Variants in COL2A1 observed in about 807,000 individuals in gnomAD.
The protein encoded by COL2A1 is collagen type II alpha 1 chain, also known as collagen alpha-1(II) chain.
In COL2A1, 28 loss-of-function variants were observed where a neutral mutation model predicts 204.5. The ratio of observed to expected loss-of-function variants is 0.14; its 90% CI spans 0.10 to 0.19. The LOEUF is 0.19. Ranked by LOEUF, COL2A1 falls within the 10% of genes least tolerant of loss-of-function variation. The pLI, the probability that COL2A1 is intolerant of heterozygous loss-of-function variation, is 1.00. For synonymous variants in COL2A1, 708 were observed against 718.7 expected, an observed-to-expected ratio of 0.99 and a Z score of 0.24; for missense variants, 1,388 against 2,027.5, an observed-to-expected ratio of 0.68 and a Z score of 6.06.
intron 51 of COL2A1, 95 bp from the exon 52 acceptor site, chr12:47,974,957 C>CT: frequency 1.5e-6 from 2 of 1,305,684 alleles, no homozygotes; most frequent in Non-Finnish European, 2.1e-6. Context: ...ACAGAGAGGC[C>CT]TACAGGGACA....
intron 4 of COL2A1, 28 bp from the exon 5 acceptor site, chr12:47,998,092 A>C (rs759986299): frequency 6.2e-7 from 1 of 1,614,114 alleles, no homozygotes; most frequent in Non-Finnish European, 8.5e-7. Context: ...ACAGGATGGT[A>C]AGTTAGAGGA....
At position 47,985,932 on chromosome 12, in the gene COL2A1, C is replaced by T. The variant is rs1270468512; in HGVS notation, c.1561G>A (p.Asp521Asn). The change falls in exon 24 of 54, where the codon GAT becomes AAT. Residue 521 changes from aspartate (D) to asparagine (N), a missense_variant. This residue lies in a region of COL2A1 where 884 missense variants were observed against 1,415.8 expected (regional missense o/e 0.62). Transcript: ENST00000380518. ...CTCACCTTGGGACCTGCCAGACCATCTTGACCTGGGAAACCGCGGTTGCCG... is the reference window on the plus strand; with the variant it reads ...CTCACCTTGGGACCTGCCAGACCATTTTGACCTGGGAAACCGCGGTTGCCG... Reference protein sequence around the residue: ...APGNRGFPGQDGLAGPKGAPG... With the variant: ...APGNRGFPGQNGLAGPKGAPG... The T allele has an allele frequency of 1.3e-6, 2 of 1,552,190 alleles. No individual in the cohort carries two copies. The highest frequency in any genetic ancestry group is 3.9e-5 in the Admixed American group (2 of 51,098).
At chr12:47,996,001 G>A (rs777827674) in intron 8 of COL2A1, 82 bp from the exon 9 acceptor site, 7 of 1,165,632 alleles carry the variant, frequency 6.0e-6, no homozygotes, top group East Asian at 2.3e-5. Context: ...CCAGCCAACA[G>A]CCCGGGCAAA....
Position 47,973,080 on chromosome 12 carries a change from A to G in COL2A1, c.*327T>C. On this transcript the variant is annotated 3_prime_UTR_variant, in exon 54 of 54. Transcript: ENST00000380518. ...GACACACACAGTTCCTGCGCCCGGC[A>G]CCTGAAGGGAGGTCTTCTGGCCTGG... is the stretch of plus-strand genomic sequence containing the variant. 1 of 597,092 alleles carries G rather than the reference A, an allele frequency of 1.7e-6. No homozygotes were observed. Among genetic ancestry groups the G allele is most frequent in the South Asian group, 2.1e-5 (1 of 48,456 alleles). The allele number at this position is 597,092 out of a possible 1,614,324, so 37.0% of individuals were successfully genotyped here. A position where few individuals can be genotyped will look rare whatever the true frequency, so the allele number is the denominator to read the frequency against.
rs976186448 is a variant in COL2A1, at chr12:47,973,092, G to T, written c.*315C>A. ...TCCTGCGCCCGGCACCTGAAGGGAG[G>T]TCTTCTGGCCTGGGCTGGGGGCAGT... On this transcript the variant is annotated 3_prime_UTR_variant, in exon 54 of 54. Transcript: ENST00000380518. 1 of 597,884 alleles carries T rather than the reference G, an allele frequency of 1.7e-6. No individual in the cohort carries two copies. The highest frequency in any genetic ancestry group is 2.1e-5 in the South Asian group (1 of 48,544). The allele number at this position is 597,884 out of a possible 1,614,324, so 37.0% of individuals were successfully genotyped here.
Position 47,973,328 on chromosome 12 carries a change from G to T in COL2A1, c.*79C>A. 2 of 1,589,624 alleles carry T rather than the reference G, an allele frequency of 1.3e-6. No individual in the cohort carries two copies. Among genetic ancestry groups the T allele is most frequent in the East Asian group, 4.5e-5 (2 of 44,778 alleles). On this transcript the variant is annotated 3_prime_UTR_variant, in exon 54 of 54. Coordinates refer to ENST00000380518, the MANE Select transcript of COL2A1 (RefSeq NM_001844.5). ...GGTCAGGTCAGCCATTCAGTGCAGA[G>T]TCCTAGAGTGACTGAGATTGGAAAG...
At chr12:47,975,772 C>T (rs184563504) in intron 50 of COL2A1, among the ~76,000 whole-genome samples, 167 bp from the exon 51 acceptor site, 93 of 152,336 alleles carry the variant, frequency 6.1e-4, no homozygotes, top group Non-Finnish European at 1.2e-3. Flanking sequence ...TCTATTTCTT[C>T]CTTAGCCCTT....
chr12:47,982,665 T>G, intron 33 of COL2A1, 56 bp from the exon 34 acceptor site: 1 of 1,361,030 alleles, frequency 7.3e-7, no homozygotes, highest in Non-Finnish European at 1.0e-6. Flanking sequence ...CCTGAACCCA[T>G]GTTCATGGAG....
In COL2A1 at chr12:47,986,318, C is replaced by G. The variant is rs2136570629; in HGVS notation, c.1527+18G>C. 1.3e-6 allele frequency: 2 copies of G among 1,485,402 alleles called. No homozygotes were observed. Among genetic ancestry groups the G allele is most frequent in the East Asian group, 2.5e-5 (1 of 40,788 alleles). 92.0% of individuals were successfully genotyped at this position (1,485,402 alleles called of 1,614,324 possible). On this transcript the variant is annotated intron_variant, in intron 23 of 53. Coordinates refer to ENST00000380518, the MANE Select transcript of COL2A1 (RefSeq NM_001844.5). The stretch of plus-strand genomic sequence containing the variant: ...AGGTCACAGGCCCCATGGGATGGAG[C>G]CTCCACATTCACTTAACTCTTTCTC...
chr12:47,996,038 G>T (rs1939945382), intron 8 of COL2A1, 119 bp from the exon 9 acceptor site: 5 of 802,714 alleles, frequency 6.2e-6, no homozygotes, highest in Non-Finnish European at 1.1e-5. Flanking sequence ...TGTGGGCAAG[G>T]GGCCTAGAGT....
In COL2A1 at chr12:47,978,590, G is replaced by A; in HGVS notation, c.2895+7C>T. The A allele has an allele frequency of 1.2e-6, 2 of 1,613,480 alleles. No individual in the cohort carries two copies. Among genetic ancestry groups the A allele is most frequent in the South Asian group, 1.1e-5 (1 of 91,056 alleles). On this transcript the variant is annotated splice_region_variant and intron_variant, in intron 42 of 53. Transcript: ENST00000380518. This position sits in a 1 kb window ranked among gnomAD's most constrained non-coding sequence, Gnocchi z 5.5. ...GGACCTTGGCATGGGCCTGGTGAGGGACTTACAGAGGGACCGTCATCTCCA... is the reference window on the plus strand; with the variant it reads ...GGACCTTGGCATGGGCCTGGTGAGGAACTTACAGAGGGACCGTCATCTCCA...
rs73297171 is a variant in COL2A1, at chr12:47,980,296, G to A, written c.2626-234C>T. Among the ~76,000 whole-genome samples, 695 of 152,250 alleles carry A rather than the reference G, an allele frequency of 4.6e-3. 5 individuals are homozygous for A. Among genetic ancestry groups the A allele is most frequent in the African/African-American group, 0.015 (638 of 41,554 alleles). On this transcript the variant is annotated intron_variant, in intron 39 of 53. Coordinates refer to ENST00000380518, the MANE Select transcript of COL2A1 (RefSeq NM_001844.5). This position sits in a 1 kb window ranked among gnomAD's most constrained non-coding sequence, Gnocchi z 4.5. ...GAACCGGTCTGGGGTCTGGCCTCCCGGGAAGCTCTTCCTGCCACCGCCCCC... is the reference window on the plus strand; with the variant it reads ...GAACCGGTCTGGGGTCTGGCCTCCCAGGAAGCTCTTCCTGCCACCGCCCCC...
Position 47,978,904 on chromosome 12 carries a change from C to CA in COL2A1, c.2734-147dup. 1.3e-6 allele frequency: 1 copy of CA among 796,136 alleles called. No individual in the cohort carries two copies. Among genetic ancestry groups the CA allele is most frequent in the East Asian group, 2.7e-5 (1 of 37,342 alleles). 49.3% of individuals were successfully genotyped at this position (796,136 alleles called of 1,614,324 possible). On this transcript the variant is annotated intron_variant, in intron 41 of 53. Transcript: ENST00000380518. This position sits in a 1 kb window ranked among gnomAD's most constrained non-coding sequence, Gnocchi z 5.5. ...CTAAGGGCAGGCAGCTTAACCCCCC[C>CA]AACCCCAATCTACCGCTGCAACCTT...
In COL2A1 at chr12:48,003,808, G is replaced by T. The variant is rs573244038; in HGVS notation, c.85+429C>A. On this transcript the variant is annotated intron_variant, in intron 1 of 53. Coordinates refer to ENST00000380518, the MANE Select transcript of COL2A1 (RefSeq NM_001844.5). The stretch of plus-strand genomic sequence containing the variant: ...GGCGTTTGCTTGCTCCCTCGCTCGC[G>T]CTCTCTCTTTCCTACTTCACCTAAG... 3.3e-5 allele frequency among the ~76,000 whole-genome samples: 5 copies of T among 152,268 alleles called. No homozygotes were observed. In the East Asian group the frequency reaches 9.6e-4, roughly 29 times the overall value.
Position 47,995,915 on chromosome 12 carries a change from G to A in COL2A1, c.614C>T (p.Pro205Leu). The A allele has an allele frequency of 6.2e-7, 1 of 1,613,442 alleles. No individual in the cohort carries two copies. The highest frequency in any genetic ancestry group is 1.6e-4 in the Middle Eastern group (1 of 6,062). Residue 205 changes from proline to leucine, a missense_variant, in exon 9 of 54, where the codon CCC (proline) becomes CTC (leucine). By Grantham distance (98) the Pro-to-Leu change is moderately conservative. Transcript: ENST00000380518. ...QLGVMQGPMG[P>L]MGPRGPPGPA... ...GCCTGGAGGTCCTCGAGGTCCCATG[G>A]GGCCCTGCATCGGAACAGAAAATGA...
At chr12:47,990,886 A>C (rs1481388714) in intron 16 of COL2A1, among the ~76,000 whole-genome samples, 1 of 152,142 alleles carries the variant, frequency 6.6e-6, no homozygotes, top group Non-Finnish European at 1.5e-5. Context: ...CTAGGGCCTG[A>C]CTGAGCAGGT....
rs915917 is a variant in COL2A1, at chr12:47,988,191, C to T, written c.1123-482G>A. Reference sequence around the variant, plus strand: ...CACCACCTCACTCCCATCTGGCTGACGGGTGAACAGTGACACCCTGGCTCC... The same window carrying T: ...CACCACCTCACTCCCATCTGGCTGATGGGTGAACAGTGACACCCTGGCTCC... On this transcript the variant is annotated intron_variant, in intron 18 of 53. Transcript: ENST00000380518. 1.2e-4 allele frequency among the ~76,000 whole-genome samples: 18 copies of T among 152,312 alleles called. No individual in the cohort carries two copies. The South Asian group carries it at 3.3e-3, about 28-fold the overall frequency.
At chr12:48,005,975 T>C (rs1207691781), upstream of COL2A1, 1 of 152,282 alleles carries the variant, frequency 6.6e-6, no homozygotes, top group African/African-American at 2.4e-5. Context: ...GAACTCATTG[T>C]TGAAGGAAAT....
At chr12:47,996,383 C>T (rs1213196400) in intron 8 of COL2A1, among the ~76,000 whole-genome samples, 165 bp downstream of exon 8, 2 of 152,164 alleles carry the variant, frequency 1.3e-5, no homozygotes, top group Admixed American at 1.3e-4. Flanking sequence ...CATCCATTGC[C>T]ATTAAAAACC....
Sources: gnomAD v4.1 joint callset for allele counts (sites outside exome capture counted in the v4.1 genomes callset) on GRCh38, gnomAD v4.1.1 for gene constraint, gnomAD v4.1.1 regional missense constraint, Gnocchi (gnomAD v3.1) non-coding constraint, MANE v1.5 for transcripts, NCBI Gene and HGNC (gene_info 2026-07-23, HGNC 2026-07-21) for gene names.